ADAMTS18: variants seen among roughly 807,000 people sequenced by gnomAD.
ADAMTS18 encodes ADAM metallopeptidase with thrombospondin type 1 motif 18, also known as A disintegrin and metalloproteinase with thrombospondin motifs 18.
In ADAMTS18, 157 loss-of-function variants were observed where a neutral mutation model predicts 165.9. The observed-to-expected ratio is 0.95, with a 90% CI of 0.83 to 1.08. The LOEUF is 1.08. Ranked by LOEUF, ADAMTS18 falls within the 50% of genes least tolerant of loss-of-function variation. ADAMTS18 has a pLI of 0.00. For missense variants in ADAMTS18, 2,040 were observed against 1,534.0 expected, an observed-to-expected ratio of 1.33 and a Z score of -5.51; for synonymous variants, 782 against 578.2, an observed-to-expected ratio of 1.35 and a Z score of -5.06.
intron 16 of ADAMTS18, among the ~76,000 whole-genome samples, chr16:77,315,630 C>T (rs1356522885): frequency 1.3e-5 from 2 of 152,190 alleles, no homozygotes; most frequent in Non-Finnish European, 2.9e-5. Context: ...GTGACAGGTG[C>T]ATGCTCCTCT....
intron 3 of ADAMTS18, among the ~76,000 whole-genome samples, chr16:77,369,572 A>T (rs12598787): frequency 0.086 from 13,092 of 152,286 alleles, 764 homozygotes; most frequent in East Asian, 0.25. Context: ...GAACAAACCA[A>T]TAACGAGTTA....
chr16:77,344,549 AG>A (rs2144694159), intron 10 of ADAMTS18, among the ~76,000 whole-genome samples: 1 of 152,266 alleles, frequency 6.6e-6, no homozygotes, highest in East Asian at 1.9e-4. Flanking sequence ...ACACTTAGAA[AG>A]GCTTTCAGAA....
chr16:77,364,113 T>C, intron 5 of ADAMTS18, 75 bp downstream of exon 5: 1 of 1,587,088 alleles, frequency 6.3e-7, no homozygotes. Context: ...ACACCTGCTA[T>C]TCAACCCATG....
chr16:77,289,515 G>A (rs2055322912), intron 21 of ADAMTS18, 104 bp from the exon 22 acceptor site: 1 of 1,351,584 alleles, frequency 7.4e-7, no homozygotes, highest in East Asian at 2.3e-5. Flanking sequence ...GATGCCTGCT[G>A]ATGAAACAGA....
In ADAMTS18 at chr16:77,304,099, A is replaced by G. The variant is rs566853540; in HGVS notation, c.2533-3695T>C. On this transcript the variant is annotated intron_variant, in intron 16 of 22. Coordinates refer to ENST00000282849, the MANE Select transcript of ADAMTS18 (RefSeq NM_199355.4). ...TTAGTAAATCTGAGGTGGGGGAGGA[A>G]ATCACATTATCATCTAAAGAAGCTT... 6.6e-5 allele frequency among the ~76,000 whole-genome samples: 10 copies of G among 152,164 alleles called. No homozygotes were observed. The South Asian group carries it at 1.0e-3, about 16-fold the overall frequency.
chr16:77,425,245 G>A (rs568340245), intron 3 of ADAMTS18, among the ~76,000 whole-genome samples: 3 of 152,114 alleles, frequency 2.0e-5, no homozygotes, highest in Admixed American at 6.5e-5. Context: ...CGCCACTTAC[G>A]GTTTAATTGT....
intron 4 of ADAMTS18, among the ~76,000 whole-genome samples, chr16:77,366,190 C>T (rs1415588592): frequency 1.3e-5 from 2 of 152,116 alleles, no homozygotes; most frequent in Non-Finnish European, 2.9e-5. Context: ...TCCAACTTGG[C>T]GCACAGTTTC....
At chr16:77,379,024 G>C (rs2056993835) in intron 3 of ADAMTS18, 1 of 149,536 alleles carries the variant, frequency 6.7e-6, no homozygotes, top group Non-Finnish European at 1.5e-5. Flanking sequence ...AGTAACTGAA[G>C]ATATTTAAAG....
intron 3 of ADAMTS18, among the ~76,000 whole-genome samples, chr16:77,423,424 G>A (rs753534004): frequency 6.6e-5 from 10 of 152,154 alleles, no homozygotes; most frequent in Non-Finnish European, 1.2e-4. Context: ...TTATTACTAT[G>A]TGCCAGGTAA....
intron 12 of ADAMTS18, among the ~76,000 whole-genome samples, chr16:77,331,281 A>T (rs920696895): frequency 1.3e-5 from 2 of 152,170 alleles, no homozygotes; most frequent in Non-Finnish European, 2.9e-5. Context: ...CTATTGAATT[A>T]GGTAATCTAT....
intron 3 of ADAMTS18, among the ~76,000 whole-genome samples, chr16:77,423,397 C>T (rs2057629387): frequency 6.6e-6 from 1 of 152,104 alleles, no homozygotes; most frequent in Non-Finnish European, 1.5e-5. Flanking sequence ...AGTACTATAT[C>T]ATTATCACAA....
intron 10 of ADAMTS18, among the ~76,000 whole-genome samples, chr16:77,349,042 G>C (rs925938818): frequency 6.6e-5 from 10 of 152,150 alleles, no homozygotes; most frequent in African/African-American, 2.4e-4. Flanking sequence ...AGTTAAAATG[G>C]CATGCAGTAA....
At position 77,284,094 on chromosome 16, in the gene ADAMTS18, G is replaced by C. The variant is rs757127596; in HGVS notation, c.3551-23C>G. On this transcript the variant is annotated intron_variant, in intron 22 of 22. Transcript: ENST00000282849. ...CCTCTAAAATAAGAAAATATATTTA[G>C]CATGTTGGCTAGGGTGTCTATCCTT... The C allele has an allele frequency of 1.0e-5, 15 of 1,502,662 alleles. No homozygotes were observed. In the East Asian group the frequency reaches 2.5e-4, roughly 25 times the overall value. The allele number at this position is 1,502,662 out of a possible 1,614,324, so 93.1% of individuals were successfully genotyped here.
At chr16:77,357,383 C>T (rs1426328764) in intron 8 of ADAMTS18, among the ~76,000 whole-genome samples, 2 of 152,100 alleles carry the variant, frequency 1.3e-5, no homozygotes, top group East Asian at 1.9e-4. Flanking sequence ...TATTGACTAA[C>T]GTCAATGTAT....
intron 20 of ADAMTS18, 110 bp from the exon 21 acceptor site, chr16:77,291,588 G>C: frequency 9.3e-7 from 1 of 1,075,084 alleles, no homozygotes; most frequent in South Asian, 1.2e-5. Context: ...GGAGGGATGG[G>C]ATTACACAAG....
At chr16:77,320,189 G>C (rs1245611013) in intron 15 of ADAMTS18, 96 bp from the exon 16 acceptor site, 8 of 1,459,222 alleles carry the variant, frequency 5.5e-6, no homozygotes, top group South Asian at 1.2e-5. Context: ...GTTTTATAGA[G>C]TGAGGTTTTT....
chr16:77,346,469 TA>T (rs1368766352), intron 10 of ADAMTS18, among the ~76,000 whole-genome samples: 1 of 151,798 alleles, frequency 6.6e-6, no homozygotes. Flanking sequence ...TTTCAAGAAT[TA>T]AAAAAAATAA....
At chr16:77,308,762 A>G (rs533018440) in intron 16 of ADAMTS18, among the ~76,000 whole-genome samples, 1 of 152,314 alleles carries the variant, frequency 6.6e-6, no homozygotes, top group South Asian at 2.1e-4. Context: ...AAAGCCCAGC[A>G]TATGTATGTG....
In ADAMTS18 at chr16:77,431,744, T is replaced by C. The variant is rs2057743549; in HGVS notation, c.179-133A>G. 9 of 957,814 alleles carry C rather than the reference T, an allele frequency of 9.4e-6. No individual in the cohort carries two copies. The East Asian group carries it at 1.9e-4, about 20-fold the overall frequency. The allele number at this position is 957,814 out of a possible 1,614,324, so 59.3% of individuals were successfully genotyped here. ...CCTATTGCCTTGCACCTAGATCAAATATAATTCAGAGCAGCACAGGCAGCA... is the reference window on the plus strand; with the variant it reads ...CCTATTGCCTTGCACCTAGATCAAACATAATTCAGAGCAGCACAGGCAGCA... On this transcript the variant is annotated intron_variant, in intron 2 of 22. Coordinates refer to ENST00000282849, the MANE Select transcript of ADAMTS18 (RefSeq NM_199355.4).
Sources: gnomAD v4.1 joint callset for allele counts (sites outside exome capture counted in the v4.1 genomes callset) on GRCh38, gnomAD v4.1.1 for gene constraint, MANE v1.5 for transcripts, NCBI Gene and HGNC (gene_info 2026-07-23, HGNC 2026-07-21) for gene names.